BRME1: variants seen among roughly 807,000 people sequenced by gnomAD.
The protein encoded by BRME1 is break repair meiotic recombinase recruitment factor 1.
A neutral mutation model predicts 52.6 loss-of-function variants in BRME1; 31 were observed. The ratio of observed to expected loss-of-function variants is 0.59; its 90% CI spans 0.44 to 0.80. The LOEUF (loss-of-function observed/expected upper bound fraction) is 0.80, where lower values mean the gene tolerates loss of function less well. Among genes scored for constraint, BRME1 ranks in the 30% least tolerant of loss-of-function variants. The pLI is 0.00. For synonymous variants in BRME1, 359 were observed against 353.6 expected, an observed-to-expected ratio of 1.02 and a Z score of -0.17; for missense variants, 804 against 860.3, an observed-to-expected ratio of 0.93 and a Z score of 0.82.
intron 2 of BRME1, 116 bp downstream of exon 2, chr19:13,904,746 T>C: frequency 8.8e-7 from 1 of 1,133,928 alleles, no homozygotes; most frequent in Non-Finnish European, 1.3e-6. Context: ...GGCCAATCCT[T>C]GCTTCCTTTT....
intron 7 of BRME1, among the ~76,000 whole-genome samples, chr19:13,884,468 A>T (rs73513508): frequency 0.027 from 4,050 of 152,034 alleles, 205 homozygotes; most frequent in African/African-American, 0.092. Context: ...TCTAAAAAAA[A>T]ATATACAAAA....
At chr19:13,886,091 C>G (rs1452973077) in intron 6 of BRME1, 36 bp from the exon 7 acceptor site, 1 of 1,588,310 alleles carries the variant, frequency 6.3e-7, no homozygotes, top group East Asian at 2.2e-5. Flanking sequence ...TGGTCGAGGC[C>G]TGGGTCGGGC....
chr19:13,893,204 C>G lies in BRME1; in HGVS notation c.226G>C (p.Gly76Arg). ...TGACGGAGGAGCCGGCAGGGAGATC[C>G]TGTTTCCTCATCAGGGGAGCTATGT... ...AVSSSPDEET[G>R]SPCRLLRQPE... The change falls in exon 4 of 9, where the codon GGA (glycine) becomes CGA (arginine). Residue 76 changes from glycine to arginine, a missense_variant. Gly to Arg is a moderately radical substitution (Grantham distance 125, BLOSUM62 -2). Coordinates refer to ENST00000586783, the MANE Select transcript of BRME1 (RefSeq NM_001345843.2). The G allele has an allele frequency of 6.3e-7, 1 of 1,586,930 alleles. No individual in the cohort carries two copies. Among genetic ancestry groups the G allele is most frequent in the African/African-American group, 1.3e-5 (1 of 74,550 alleles).
In BRME1 at chr19:13,882,411, GAGAA is replaced by G; in HGVS notation, c.*387_*390del. On this transcript the variant is annotated 3_prime_UTR_variant, in exon 9 of 9. Coordinates refer to ENST00000586783, the MANE Select transcript of BRME1 (RefSeq NM_001345843.2). Reference sequence around the variant, plus strand: ...CCAGAAGAAATAAAATGGAAATGGGGAGAAAGAAAACAAAGGGAGCTCTCTTCTC... The same window carrying G: ...CCAGAAGAAATAAAATGGAAATGGGGAGAAAACAAAGGGAGCTCTCTTCTC... The G allele has an allele frequency of 2.4e-6, 1 of 409,668 alleles. No individual in the cohort carries two copies. The highest frequency in any genetic ancestry group is 4.3e-6 in the Non-Finnish European group (1 of 232,810). 25.4% of individuals were successfully genotyped at this position (409,668 alleles called of 1,614,324 possible). A position where few individuals can be genotyped will look rare whatever the true frequency, so the allele number is the denominator to read the frequency against.
intron 4 of BRME1, 120 bp downstream of exon 4, chr19:13,893,022 T>C: frequency 7.4e-7 from 1 of 1,344,936 alleles, no homozygotes; most frequent in Non-Finnish European, 1.0e-6. Flanking sequence ...CTGGGCACAT[T>C]CCCTCCAGCC....
chr19:13,892,282 G>GT (rs1969557563), intron 5 of BRME1, among the ~76,000 whole-genome samples: 1 of 151,702 alleles, frequency 6.6e-6, no homozygotes, highest in Non-Finnish European at 1.5e-5. Context: ...ACCATTTTGT[G>GT]TTTTTTTAAA....
rs1969175115 is a variant in BRME1 at position 13,888,180 on chromosome 19, C to T, written c.1668+1008G>A. The stretch of plus-strand genomic sequence containing the variant: ...TCGGTCTCCCAAAGTCCTGAGATTA[C>T]AGGTGGGAGCCACTGTGCCTGGCCA... On this transcript the variant is annotated intron_variant, in intron 6 of 8. Coordinates refer to ENST00000586783, the MANE Select transcript of BRME1 (RefSeq NM_001345843.2). This position sits in a 1 kb window ranked among gnomAD's most constrained non-coding sequence, Gnocchi z 4.1. Among the ~76,000 whole-genome samples, 1 of 151,632 alleles carries T rather than the reference C, an allele frequency of 6.6e-6. No homozygotes were observed. Among genetic ancestry groups the T allele is most frequent in the South Asian group, 2.1e-4 (1 of 4,818 alleles).
At chr19:13,902,960 G>A (rs1223686467) in intron 2 of BRME1, among the ~76,000 whole-genome samples, 5 of 149,334 alleles carry the variant, frequency 3.3e-5, no homozygotes, top group Non-Finnish European at 7.4e-5. Context: ...GCAGTGTACC[G>A]AGGTTAGAGT....
chr19:13,895,622 C>A (rs1408173003), intron 2 of BRME1, 76 bp from the exon 3 acceptor site: 2 of 1,341,226 alleles, frequency 1.5e-6, no homozygotes, highest in South Asian at 2.7e-5. Context: ...AGGTCTCCCC[C>A]ACTACAACCA....
At chr19:13,903,581 C>A (rs1175869943) in intron 2 of BRME1, among the ~76,000 whole-genome samples, 1 of 137,264 alleles carries the variant, frequency 7.3e-6, no homozygotes, top group Admixed American at 7.0e-5. Flanking sequence ...GCTGAGGCTG[C>A]AGAATCGCTT....
At chr19:13,886,883 G>A (rs78810595) in intron 6 of BRME1, among the ~76,000 whole-genome samples, 34,146 of 151,674 alleles carry the variant, frequency 0.23, 3,957 homozygotes, top group East Asian at 0.29. Context: ...AGGATCAACT[G>A]CTTGAGCCCG....
intron 2 of BRME1, among the ~76,000 whole-genome samples, chr19:13,903,420 C>A (rs981228790): frequency 6.6e-6 from 1 of 152,108 alleles, no homozygotes; most frequent in African/African-American, 2.4e-5. Context: ...CACCTGTAAT[C>A]CCAGCACTTT....
At chr19:13,892,960 A>AT in intron 4 of BRME1, 70 bp from the exon 5 acceptor site, 2 of 1,463,912 alleles carry the variant, frequency 1.4e-6, no homozygotes, top group Non-Finnish European at 1.9e-6. Context: ...GAAAAAAGCA[A>AT]CCCCAAACCT....
intron 5 of BRME1, among the ~76,000 whole-genome samples, chr19:13,891,139 TTATTA>T (rs1568380752): frequency 6.8e-6 from 1 of 146,252 alleles, no homozygotes; most frequent in African/African-American, 2.6e-5. Context: ...TTCCTGTTTA[TTATTA>T]TTATTATTAT....
chr19:13,882,940 C>T lies in BRME1; in HGVS notation c.1869G>A (p.Met623Ile), dbSNP rs1968745138. Residue 623 changes from methionine (M) to isoleucine (I), a missense_variant, in exon 9 of 9, where the codon ATG (methionine) becomes ATA (isoleucine). Met to Ile is a conservative substitution (Grantham distance 10). This residue lies in a region of BRME1 where 552 missense variants were observed against 561.1 expected (regional missense o/e 0.98). Coordinates refer to ENST00000586783, the MANE Select transcript of BRME1 (RefSeq NM_001345843.2). ...VELSNLNRLI[M>I]GTHRDLEAFK... is the part of the protein sequence containing the mutation. Reference sequence around the variant, plus strand: ...AAGCTTCCAGGTCCCGGTGGGTGCCCATGATCAGCCGGCTGTGGGGGAAAC... The same window carrying T: ...AAGCTTCCAGGTCCCGGTGGGTGCCTATGATCAGCCGGCTGTGGGGGAAAC... The T allele has an allele frequency of 6.2e-7, 1 of 1,612,738 alleles. No homozygotes were observed. The highest frequency in any genetic ancestry group is 8.5e-7 in the Non-Finnish European group (1 of 1,179,762).
In BRME1 at chr19:13,888,209, A is replaced by T. The variant is rs1054676138; in HGVS notation, c.1668+979T>A. 6.9e-6 allele frequency among the ~76,000 whole-genome samples: 1 copy of T among 143,942 alleles called. No homozygotes were observed. Among genetic ancestry groups the T allele is most frequent in the Non-Finnish European group, 1.5e-5 (1 of 65,132 alleles). The allele number at this position is 143,942 out of a possible 152,430, so 94.4% of individuals were successfully genotyped here. On this transcript the variant is annotated intron_variant, in intron 6 of 8. Coordinates refer to ENST00000586783, the MANE Select transcript of BRME1 (RefSeq NM_001345843.2). This position sits in a 1 kb window ranked among gnomAD's most constrained non-coding sequence, Gnocchi z 4.1. The stretch of plus-strand genomic sequence containing the variant: ...TGGGAGCCACTGTGCCTGGCCATGA[A>T]TTTTTTTTTTTTTTTTTAACATCTC...
chr19:13,893,223 G>A lies in BRME1; in HGVS notation c.207C>T (p.Ser69=). 1 of 1,577,376 alleles carries A rather than the reference G, an allele frequency of 6.3e-7. No homozygotes were observed. The highest frequency in any genetic ancestry group is 8.6e-7 in the Non-Finnish European group (1 of 1,162,318). The change falls in exon 4 of 9, where the codon AGC becomes AGT. Residue 69 remains serine (S), a splice_region_variant and synonymous_variant. Transcript: ENST00000586783. The stretch of plus-strand genomic sequence containing the variant: ...GAGATCCTGTTTCCTCATCAGGGGA[G>A]CTATGTAGGAAAAGATAAAACTGAA... ...HGEEPGKAVS[S]SPDEETGSPC... is the part of the protein sequence containing the mutation.
At position 13,883,735 on chromosome 19, in the gene BRME1, T is replaced by C. The variant is rs907850343; in HGVS notation, c.1764-335A>G. The C allele has an allele frequency of 1.8e-5, 5 of 284,742 alleles. No homozygotes were observed. Among genetic ancestry groups the C allele is most frequent in the Non-Finnish European group, 3.4e-5 (5 of 146,654 alleles). The allele number at this position is 284,742 out of a possible 1,614,324, so 17.6% of individuals were successfully genotyped here. ...GGCAAGCCCTCTCCTCCCGCAGCTG[T>C]GCACCACCTGCCTGCCCCGTGCCCT... is the stretch of plus-strand genomic sequence containing the variant. On this transcript the variant is annotated intron_variant, in intron 7 of 8. Transcript: ENST00000586783. The surrounding 1 kb of genome is among the most constrained non-coding windows in gnomAD (Gnocchi z 4.2).
Position 13,883,705 on chromosome 19 carries a change from T to C in BRME1, c.1764-305A>G, listed in dbSNP as rs1968798375. ...GGGGCTGTGAACTTGGAAACCTAGC[T>C]CAGAGGCAAGCCCTCTCCTCCCGCA... On this transcript the variant is annotated intron_variant, in intron 7 of 8. Transcript: ENST00000586783. This position sits in a 1 kb window ranked among gnomAD's most constrained non-coding sequence, Gnocchi z 4.2. 2.9e-6 allele frequency: 1 copy of C among 339,456 alleles called. No individual in the cohort carries two copies. The highest frequency in any genetic ancestry group is 5.6e-6 in the Non-Finnish European group (1 of 179,598). The allele number at this position is 339,456 out of a possible 1,614,324, so 21.0% of individuals were successfully genotyped here. A position where few individuals can be genotyped will look rare whatever the true frequency, so the allele number is the denominator to read the frequency against.
Sources: gnomAD v4.1 joint callset for allele counts (sites outside exome capture counted in the v4.1 genomes callset) on GRCh38, gnomAD v4.1.1 for gene constraint, gnomAD v4.1.1 regional missense constraint, Gnocchi (gnomAD v3.1) non-coding constraint, MANE v1.5 for transcripts, NCBI Gene and HGNC (gene_info 2026-07-23, HGNC 2026-07-21) for gene names.